Variants in ST14 observed in about 807,000 individuals in gnomAD.
The protein encoded by ST14 is ST14 transmembrane serine protease matriptase, also known as suppressor of tumorigenicity 14 protein.
In ST14, 40 loss-of-function variants were observed where a neutral mutation model predicts 96.5. The ratio of observed to expected loss-of-function variants is 0.41; its 90% confidence interval spans 0.32 to 0.54. ST14 has a LOEUF of 0.54. Ranked by LOEUF, ST14 falls within the 20% of genes least tolerant of loss-of-function variation. The pLI is 0.17. For missense variants in ST14, 1,066 were observed against 1,188.9 expected, an observed-to-expected ratio of 0.90 and a Z score of 1.52; for synonymous variants, 506 against 492.1, an observed-to-expected ratio of 1.03 and a Z score of -0.37.
chr11:130,187,981 G>A lies in ST14; in HGVS notation c.82-133G>A, dbSNP rs935575293. The A allele has an allele frequency of 3.1e-6, 4 of 1,272,142 alleles. No individual in the cohort carries two copies. The highest frequency in any genetic ancestry group is 3.3e-6 in the Non-Finnish European group (3 of 913,276). The allele number at this position is 1,272,142 out of a possible 1,614,324, so 78.8% of individuals were successfully genotyped here. The stretch of plus-strand genomic sequence containing the variant: ...AGTGGTCCCCATGCCTCTGGGGGAA[G>A]CCCCCTTCTTCTCACCCAAGCCCCT... On this transcript the variant is annotated intron_variant, in intron 1 of 18. Transcript: ENST00000278742. The surrounding 1 kb of genome is among the most constrained non-coding windows in gnomAD (Gnocchi z 4.5).
intron 1 of ST14, among the ~76,000 whole-genome samples, chr11:130,174,009 C>G (rs1419394428): frequency 6.6e-6 from 1 of 152,190 alleles, no homozygotes; most frequent in African/African-American, 2.4e-5. Flanking sequence ...GTTTCAAATA[C>G]TTTTTTTGCA....
chr11:130,198,739 A>C, intron 14 of ST14, 118 bp downstream of exon 14: 2 of 1,328,520 alleles, frequency 1.5e-6, no homozygotes, highest in South Asian at 1.2e-5. Flanking sequence ...CTGTGTGTTA[A>C]GTGTGATGAG....
rs751207087 is a variant in ST14 at position 130,194,690 on chromosome 11, T to C, written c.1066T>C (p.Tyr356His). 8.1e-6 allele frequency: 13 copies of C among 1,613,956 alleles called. No homozygotes were observed. The highest frequency in any genetic ancestry group is 1.1e-5 in the Non-Finnish European group (13 of 1,179,978). Reference sequence around the variant, plus strand: ...CCAGGGGACATTCAACAGCCCCTACTACCCAGGCCACTACCCACCCAACAT... The same window carrying C: ...CCAGGGGACATTCAACAGCCCCTACCACCCAGGCCACTACCCACCCAACAT... ...KAQGTFNSPY[Y>H]PGHYPPNIDC... The change falls in exon 9 of 19, where the codon TAC becomes CAC. Residue 356 changes from tyrosine (Y) to histidine (H), a missense_variant. Transcript: ENST00000278742.
In ST14 at chr11:130,194,170, C is replaced by T. The variant is rs1208971454; in HGVS notation, c.897C>T (p.Pro299=). Residue 299 remains proline, a synonymous_variant, in exon 8 of 19, where the codon CCC becomes CCT. Coordinates refer to ENST00000278742, the MANE Select transcript of ST14 (RefSeq NM_021978.4). ...ALVQLCGTYP[P]SYNLTFHSSQ... ...ACAGGTTGTGTGGCACCTACCCTCC[C>T]TCCTACAACCTGACCTTCCACTCCT... is the stretch of plus-strand genomic sequence containing the variant. 5.6e-6 allele frequency: 9 copies of T among 1,614,216 alleles called. No individual in the cohort carries two copies. The highest frequency in any genetic ancestry group is 1.1e-5 in the South Asian group (1 of 91,088).
At position 130,209,794 on chromosome 11, in the gene ST14, G is replaced by A. The variant is rs781511452; in HGVS notation, c.2539G>A (p.Asp847Asn). The A allele has an allele frequency of 1.2e-6, 2 of 1,614,074 alleles. No homozygotes were observed. The highest frequency in any genetic ancestry group is 2.2e-5 in the South Asian group (2 of 91,086). Reference protein sequence around the residue: ...GVYTRLPLFRDWIKENTGV With the variant: ...GVYTRLPLFRNWIKENTGV The stretch of plus-strand genomic sequence containing the variant: ...GTACACAAGGCTCCCTCTGTTTCGG[G>A]ACTGGATCAAAGAGAACACTGGGGT... The change falls in exon 19 of 19, where the codon GAC (aspartate) becomes AAC (asparagine). Residue 847 changes from aspartate (D) to asparagine (N), a missense_variant. Transcript: ENST00000278742.
At chr11:130,166,938 C>T (rs760293851) in intron 1 of ST14, among the ~76,000 whole-genome samples, 2 of 152,176 alleles carry the variant, frequency 1.3e-5, no homozygotes, top group African/African-American at 4.8e-5. Context: ...AGGCCGGGTG[C>T]GGTGGTTCAT....
intron 1 of ST14, among the ~76,000 whole-genome samples, chr11:130,183,908 A>G (rs920531339): frequency 5.1e-4 from 78 of 152,320 alleles, no homozygotes; most frequent in African/African-American, 1.9e-3. Context: ...GAACAGGTAA[A>G]CACATGTTGT....
At chr11:130,175,116 G>A (rs978552998) in intron 1 of ST14, among the ~76,000 whole-genome samples, 2 of 152,116 alleles carry the variant, frequency 1.3e-5, no homozygotes, top group Non-Finnish European at 2.9e-5. Flanking sequence ...CAAGCGGAAT[G>A]GCAAATTCAT....
rs181777146 is a variant in ST14, at chr11:130,189,310, T to C, written c.440+371T>C. On this transcript the variant is annotated intron_variant, in intron 4 of 18. Coordinates refer to ENST00000278742, the MANE Select transcript of ST14 (RefSeq NM_021978.4). ...TTGAGCAGTTTTTCACGCATACTTT[T>C]GTAAAAAAATAGACTTTATTCTCAA... 2.0e-4 allele frequency: 91 copies of C among 451,184 alleles called. 1 individual carries two copies. Among genetic ancestry groups the C allele is most frequent in the African/African-American group, 1.6e-3 (83 of 50,880 alleles). 27.9% of individuals were successfully genotyped at this position (451,184 alleles called of 1,614,324 possible).
chr11:130,198,990 T>C lies in ST14; in HGVS notation c.1728T>C (p.Asn576=), dbSNP rs1565627315. 1 of 1,614,040 alleles carries C rather than the reference T, an allele frequency of 6.2e-7. No individual in the cohort carries two copies. Among genetic ancestry groups the C allele is most frequent in the Non-Finnish European group, 8.5e-7 (1 of 1,179,960 alleles). ...CCAAACACACCTACCGCTGCCTCAA[T>C]GGGCTCTGCTTGAGCAAGGGCAACC... is the stretch of plus-strand genomic sequence containing the variant. ...TCTKHTYRCL[N]GLCLSKGNPE... Residue 576 remains asparagine (N), a synonymous_variant, in exon 15 of 19, where the codon AAT becomes AAC. Transcript: ENST00000278742.
At chr11:130,177,303 G>A (rs780407041) in intron 1 of ST14, among the ~76,000 whole-genome samples, 1 of 151,466 alleles carries the variant, frequency 6.6e-6, no homozygotes. Context: ...GGTGGCTCAC[G>A]CCTGTAATCC....
In ST14 at chr11:130,187,633, G is replaced by T. The variant is rs559617396; in HGVS notation, c.82-481G>T. 1.3e-5 allele frequency among the ~76,000 whole-genome samples: 2 copies of T among 152,106 alleles called. No individual in the cohort carries two copies. Among genetic ancestry groups the T allele is most frequent in the Non-Finnish European group, 2.9e-5 (2 of 68,024 alleles). On this transcript the variant is annotated intron_variant, in intron 1 of 18. Coordinates refer to ENST00000278742, the MANE Select transcript of ST14 (RefSeq NM_021978.4). The surrounding 1 kb of genome is among the most constrained non-coding windows in gnomAD (Gnocchi z 4.5). ...CCACAGGCTCCTGGGCCAGGTGATGGGGGGATTGAATCTGGTAGGGGCTGT... is the reference window on the plus strand; with the variant it reads ...CCACAGGCTCCTGGGCCAGGTGATGTGGGGATTGAATCTGGTAGGGGCTGT...
At chr11:130,167,971 T>C (rs931023007) in intron 1 of ST14, among the ~76,000 whole-genome samples, 3 of 152,204 alleles carry the variant, frequency 2.0e-5, no homozygotes, top group Non-Finnish European at 4.4e-5. Context: ...TGCCTTGAAC[T>C]CCCAAAGTGC....
At chr11:130,165,332 G>A (rs1017582097) in intron 1 of ST14, among the ~76,000 whole-genome samples, 1 of 152,212 alleles carries the variant, frequency 6.6e-6, no homozygotes, top group Admixed American at 6.5e-5. Flanking sequence ...AAACCATTTG[G>A]TAGGATGGGA....
chr11:130,171,548 T>A (rs1274996737), intron 1 of ST14, among the ~76,000 whole-genome samples: 1 of 152,234 alleles, frequency 6.6e-6, no homozygotes, highest in African/African-American at 2.4e-5. Flanking sequence ...TCTCTGGGCT[T>A]CAGTTCGCTT....
intron 1 of ST14, among the ~76,000 whole-genome samples, chr11:130,161,368 A>T (rs1952997017): frequency 6.6e-6 from 1 of 151,596 alleles, no homozygotes; most frequent in Non-Finnish European, 1.5e-5. Context: ...GGGGTTCTAG[A>T]CTCCCTGCCT....
chr11:130,203,105 A>G (rs1214014969), intron 16 of ST14, among the ~76,000 whole-genome samples: 1 of 152,132 alleles, frequency 6.6e-6, no homozygotes, highest in Non-Finnish European at 1.5e-5. Flanking sequence ...GGGCTTCATG[A>G]AAGCGGGGTC....
At chr11:130,192,156 T>C (rs751144789) in intron 7 of ST14, among the ~76,000 whole-genome samples, 1 of 152,234 alleles carries the variant, frequency 6.6e-6, no homozygotes, top group Non-Finnish European at 1.5e-5. Flanking sequence ...CTTCCGTGGC[T>C]GTCTAGGGAA....
At chr11:130,190,328 C>T in intron 6 of ST14, 126 bp from the exon 7 acceptor site, 1 of 1,535,578 alleles carries the variant, frequency 6.5e-7, no homozygotes, top group East Asian at 2.3e-5. Flanking sequence ...TTCCCGAGGC[C>T]CAGGGCAGCC....
Sources: allele counts gnomAD v4.1 joint callset (sites outside exome capture counted in the v4.1 genomes callset), GRCh38; gene constraint gnomAD v4.1.1; non-coding constraint Gnocchi (gnomAD v3.1); transcripts MANE v1.5; gene names NCBI Gene and HGNC (gene_info 2026-07-23, HGNC 2026-07-21).